Variants in MACROD2 observed in about 807,000 individuals in gnomAD.
MACROD2 encodes the protein mono-ADP ribosylhydrolase 2, also known as ADP-ribose glycohydrolase MACROD2.
MACROD2 carries 36 observed loss-of-function variants against 70.4 expected under a neutral mutation model. The ratio of observed to expected loss-of-function variants is 0.51; its 90% CI spans 0.39 to 0.68. MACROD2 has a LOEUF of 0.68. Ranked by LOEUF, MACROD2 falls within the 30% of genes least tolerant of loss-of-function variation. MACROD2 has a pLI of 0.00. For synonymous variants in MACROD2, 172 were observed against 178.8 expected (o/e 0.96, Z 0.30); for missense variants, 496 against 538.4 (o/e 0.92, Z 0.78).
Position 16,035,192 on chromosome 20 carries a change from AAATAT to A in MACROD2, c.1154-6001_1154-5997del, listed in dbSNP as rs2067217508. 5.4e-5 allele frequency among the ~76,000 whole-genome samples: 5 copies of A among 92,856 alleles called. No homozygotes were observed. The South Asian group carries it at 1.7e-3, about 31-fold the overall frequency. The allele number at this position is 92,856 out of a possible 152,430, so 60.9% of individuals were successfully genotyped here. On this transcript the variant is annotated intron_variant, in intron 15 of 17. Transcript: ENST00000684519. ...TATAAAATATTATATATTATATATAAAATATAATATAAAATATTATATATTATATA... is the reference window on the plus strand; with the variant it reads ...TATAAAATATTATATATTATATATAAAATATAAAATATTATATATTATATA...
chr20:16,045,556 C>G (rs1257838885), intron 17 of MACROD2, among the ~76,000 whole-genome samples: 1 of 152,050 alleles, frequency 6.6e-6, no homozygotes, highest in Non-Finnish European at 1.5e-5. Flanking sequence ...CAAGAGGTGA[C>G]AGACATCTGG....
intron 3 of MACROD2, among the ~76,000 whole-genome samples, chr20:14,376,553 C>T (rs1027477854): frequency 2.6e-5 from 4 of 151,998 alleles, no homozygotes. Context: ...TCAAGACCAA[C>T]CTGGGCAATA....
In MACROD2 at chr20:15,513,713, A is replaced by G. The variant is rs193145985; in HGVS notation, c.645+13866A>G. 2.0e-4 allele frequency among the ~76,000 whole-genome samples: 31 copies of G among 152,338 alleles called. No homozygotes were observed. The East Asian group carries it at 5.8e-3, about 28-fold the overall frequency. ...TTAAAATAATGTGGCATCTTGCTTC[A>G]TTACCAATAAAAGTAAGCTTTTTGG... On this transcript the variant is annotated intron_variant, in intron 8 of 17. Transcript: ENST00000684519.
chr20:14,705,533 T>C (rs1600565679), intron 5 of MACROD2, among the ~76,000 whole-genome samples: 2 of 152,258 alleles, frequency 1.3e-5, no homozygotes, highest in Middle Eastern at 6.8e-3. Context: ...ATTAGACTTG[T>C]GGTTCTTAGT....
At chr20:14,902,141 T>C (rs1031476361) in intron 5 of MACROD2, among the ~76,000 whole-genome samples, 2 of 152,222 alleles carry the variant, frequency 1.3e-5, no homozygotes, top group African/African-American at 4.8e-5. Context: ...AAAATGCTTT[T>C]GTAAATGCAA....
intron 10 of MACROD2, chr20:15,893,992 T>C (rs984892895): frequency 2.2e-5 from 10 of 450,540 alleles, no homozygotes; most frequent in Non-Finnish European, 4.5e-5. Flanking sequence ...ATAGCTGGGC[T>C]CTAGGGTCTC....
chr20:14,275,377 G>A (rs187674637), intron 3 of MACROD2, among the ~76,000 whole-genome samples: 2 of 152,008 alleles, frequency 1.3e-5, no homozygotes, highest in African/African-American at 4.8e-5. Context: ...ACAAGCAATG[G>A]GGAAAGGATT....
At chr20:14,356,406 A>C (rs917274548) in intron 3 of MACROD2, among the ~76,000 whole-genome samples, 2 of 151,240 alleles carry the variant, frequency 1.3e-5, no homozygotes, top group Middle Eastern at 3.4e-3. Context: ...GAAATAACTT[A>C]TTTAGTCCAT....
intron 3 of MACROD2, among the ~76,000 whole-genome samples, chr20:14,396,197 A>C (rs1403405263): frequency 1.3e-5 from 2 of 152,102 alleles, no homozygotes; most frequent in East Asian, 3.9e-4. Context: ...AAACATTTGT[A>C]CTCTGCTGTT....
At chr20:15,274,411 G>A (rs2077372729) in intron 6 of MACROD2, among the ~76,000 whole-genome samples, 1 of 152,220 alleles carries the variant, frequency 6.6e-6, no homozygotes, top group African/African-American at 2.4e-5. Context: ...GTTAGAGCCT[G>A]TTCTTCTAAA....
At chr20:14,942,938 TG>T (rs2122711949) in intron 5 of MACROD2, among the ~76,000 whole-genome samples, 1 of 152,298 alleles carries the variant, frequency 6.6e-6, no homozygotes, top group Admixed American at 6.5e-5. Context: ...CATTCCAGTG[TG>T]GGAGATTTCT....
At chr20:15,052,587 A>G (rs373084) in intron 5 of MACROD2, among the ~76,000 whole-genome samples, 27,713 of 152,070 alleles carry the variant, frequency 0.18, 2,679 homozygotes, top group African/African-American at 0.21. Context: ...AAACTTAATT[A>G]ATCAATGTGT....
Position 14,076,854 on chromosome 20 carries a change from T to C in MACROD2, c.164-8767T>C, listed in dbSNP as rs79935451. Among the ~76,000 whole-genome samples, 458 of 152,316 alleles carry C rather than the reference T, an allele frequency of 3.0e-3. 2 individuals are homozygous for C. Among genetic ancestry groups the C allele is most frequent in the African/African-American group, 0.01 (426 of 41,564 alleles). Reference sequence around the variant, plus strand: ...GCTGATCAGATAAACTTATGTCTACTAGATATTTAAGATTATAAAAATTAT... The same window carrying C: ...GCTGATCAGATAAACTTATGTCTACCAGATATTTAAGATTATAAAAATTAT... On this transcript the variant is annotated intron_variant, in intron 2 of 17. Transcript: ENST00000684519.
At chr20:15,131,393 A>G (rs2076103769) in intron 5 of MACROD2, among the ~76,000 whole-genome samples, 2 of 152,146 alleles carry the variant, frequency 1.3e-5, no homozygotes, top group African/African-American at 2.4e-5. Context: ...TAATATAAAG[A>G]TGAAATTTTT....
chr20:14,167,925 A>T (rs986457866), intron 3 of MACROD2, among the ~76,000 whole-genome samples: 4 of 152,208 alleles, frequency 2.6e-5, no homozygotes, highest in African/African-American at 9.6e-5. Context: ...AATTGGTAAC[A>T]TTAGTTGATA....
chr20:15,612,776 A>G (rs1459001237), intron 8 of MACROD2, among the ~76,000 whole-genome samples: 1 of 152,248 alleles, frequency 6.6e-6, no homozygotes. Context: ...AATGCAAAAA[A>G]GAGAAAATTT....
intron 5 of MACROD2, among the ~76,000 whole-genome samples, chr20:15,130,110 A>G (rs1284845487): frequency 1.3e-5 from 2 of 152,142 alleles, no homozygotes; most frequent in African/African-American, 2.4e-5. Flanking sequence ...TTCCAAAAGT[A>G]TATCATGGGT....
At chr20:15,776,072 C>T (rs569238722) in intron 8 of MACROD2, among the ~76,000 whole-genome samples, 1 of 152,240 alleles carries the variant, frequency 6.6e-6, no homozygotes, top group Admixed American at 6.5e-5. Flanking sequence ...TTTTAAAAAA[C>T]AAAATGAAGT....
At chr20:14,776,711 A>T (rs550894099) in intron 5 of MACROD2, among the ~76,000 whole-genome samples, 48 of 152,182 alleles carry the variant, frequency 3.2e-4, no homozygotes, top group African/African-American at 1.1e-3. Flanking sequence ...CTTTCTGTTG[A>T]GCATAATATA....
Sources: allele counts gnomAD v4.1 joint callset (sites outside exome capture counted in the v4.1 genomes callset), GRCh38; gene constraint gnomAD v4.1.1; transcripts MANE v1.5; gene names NCBI Gene and HGNC (gene_info 2026-07-23, HGNC 2026-07-21).